The following SLC26A4 variants were observed in gnomAD, a reference collection of about 807,000 sequenced individuals.
SLC26A4 encodes the protein solute carrier family 26 member 4.
A neutral mutation model predicts 90.4 loss-of-function variants in SLC26A4; 93 were observed. The observed-to-expected ratio is 1.03, with a 90% confidence interval of 0.87 to 1.22. The LOEUF is 1.22. SLC26A4 is among the 50% of genes most tolerant of loss of function. SLC26A4 has a pLI of 0.00. For synonymous variants in SLC26A4, 393 were observed against 354.6 expected (o/e 1.11, Z -1.22); for missense variants, 1,127 against 946.2 (o/e 1.19, Z -2.51).
At chr7:107,709,787 T>A (rs1394046689) in intron 18 of SLC26A4, among the ~76,000 whole-genome samples, 1 of 152,150 alleles carries the variant, frequency 6.6e-6, no homozygotes, top group East Asian at 1.9e-4. Flanking sequence ...GAAAAATAAA[T>A]AAATAAAAGG....
At chr7:107,671,145 G>T (rs748329629) in intron 3 of SLC26A4, among the ~76,000 whole-genome samples, 1 of 152,120 alleles carries the variant, frequency 6.6e-6, no homozygotes, top group African/African-American at 2.4e-5. Flanking sequence ...TGAGCCTTTG[G>T]AGTGAATTGA....
chr7:107,700,038 G>T, intron 14 of SLC26A4, 45 bp from the exon 15 acceptor site: 1 of 1,111,638 alleles, frequency 9.0e-7, no homozygotes, highest in East Asian at 2.3e-5. Flanking sequence ...TTAAATACTT[G>T]AGGCTTGAAA....
chr7:107,663,572 A>AG, intron 3 of SLC26A4, 137 bp downstream of exon 3: 2 of 941,118 alleles, frequency 2.1e-6, no homozygotes, highest in Non-Finnish European at 1.7e-6. Flanking sequence ...TAGTGGAGAG[A>AG]GTCACCTCTC....
At chr7:107,671,729 G>T (rs1461504187) in intron 3 of SLC26A4, among the ~76,000 whole-genome samples, 1 of 152,186 alleles carries the variant, frequency 6.6e-6, no homozygotes, top group Non-Finnish European at 1.5e-5. Context: ...TAGAAAGACA[G>T]ATGCTCCTCT....
intron 15 of SLC26A4, 79 bp from the exon 16 acceptor site, chr7:107,701,022 T>C (rs1445811114): frequency 6.9e-6 from 6 of 872,994 alleles, no homozygotes; most frequent in Admixed American, 3.5e-5. Context: ...CTTTGAGAAA[T>C]AGCCTTTCCA....
chr7:107,672,856 C>T (rs1790912561), intron 4 of SLC26A4, among the ~76,000 whole-genome samples: 1 of 152,116 alleles, frequency 6.6e-6, no homozygotes, highest in South Asian at 2.1e-4. Flanking sequence ...GTTAGAATGT[C>T]CTAGTAAATG....
intron 13 of SLC26A4, 65 bp downstream of exon 13, chr7:107,696,104 T>C (rs1791736032): frequency 4.3e-6 from 4 of 929,464 alleles, no homozygotes; most frequent in South Asian, 2.6e-5. Context: ...CCTTATACCA[T>C]TTTGATAAAT....
At chr7:107,662,214 A>C (rs549127445) in intron 2 of SLC26A4, 46 of 200,592 alleles carry the variant, frequency 2.3e-4, no homozygotes, top group African/African-American at 9.9e-4. Context: ...CAAGCTAAGT[A>C]GGCGGGCTAC....
At chr7:107,690,677 G>T (rs1791542640) in intron 10 of SLC26A4, among the ~76,000 whole-genome samples, 1 of 152,138 alleles carries the variant, frequency 6.6e-6, no homozygotes, top group East Asian at 1.9e-4. Flanking sequence ...TCCTCCAGGG[G>T]CGTTTGGTCC....
chr7:107,680,230 A>T (rs13310984), intron 6 of SLC26A4, among the ~76,000 whole-genome samples: 4 of 124,138 alleles, frequency 3.2e-5, no homozygotes, highest in East Asian at 2.3e-4. Flanking sequence ...TATAATCTTA[A>T]CTTATTATAT....
In SLC26A4 at chr7:107,691,108, TACAC is replaced by T. The variant is rs113420862; in HGVS notation, c.1263+903_1263+906del. Among the ~76,000 whole-genome samples the T allele has an allele frequency of 7.2e-3, 1,013 of 141,504 alleles. 5 individuals carry two copies. Among genetic ancestry groups the T allele is most frequent in the African/African-American group, 0.018 (687 of 38,042 alleles). 92.8% of individuals were successfully genotyped at this position (141,504 alleles called of 152,430 possible). A position where few individuals can be genotyped will look rare whatever the true frequency, so the allele number is the denominator to read the frequency against. ...AACAAACCCAAACTACATAGTGCAA[TACAC>T]ACACACACACACACACACACACACA... On this transcript the variant is annotated intron_variant, in intron 10 of 20. Transcript: ENST00000644269.
At chr7:107,679,642 G>T (rs1791123006) in intron 6 of SLC26A4, among the ~76,000 whole-genome samples, 1 of 150,892 alleles carries the variant, frequency 6.6e-6, no homozygotes, top group African/African-American at 2.4e-5. Context: ...TTACCAAAAA[G>T]TTCATTATCA....
intron 3 of SLC26A4, among the ~76,000 whole-genome samples, chr7:107,669,821 T>C (rs1790816514): frequency 6.6e-6 from 1 of 152,176 alleles, no homozygotes; most frequent in Non-Finnish European, 1.5e-5. Context: ...GATAACCCAT[T>C]GATATTTCAG....
chr7:107,674,785 A>G (rs1793933791), intron 5 of SLC26A4, among the ~76,000 whole-genome samples, 160 bp from the exon 6 acceptor site: 2 of 152,174 alleles, frequency 1.3e-5, no homozygotes, highest in Admixed American at 1.3e-4. Flanking sequence ...AAGGGGAGTG[A>G]TAGGGTATTA....
chr7:107,698,350 A>G (rs1791799205), intron 14 of SLC26A4, among the ~76,000 whole-genome samples: 2 of 149,412 alleles, frequency 1.3e-5, no homozygotes, highest in South Asian at 2.1e-4. Flanking sequence ...ATGGAGTCTC[A>G]CTCTTCACCC....
At chr7:107,664,325 G>A (rs913913848) in intron 3 of SLC26A4, among the ~76,000 whole-genome samples, 8 of 152,160 alleles carry the variant, frequency 5.3e-5, no homozygotes, top group African/African-American at 1.4e-4. Context: ...TCTGCCTCTC[G>A]GGTTCAAGTG....
intron 18 of SLC26A4, among the ~76,000 whole-genome samples, chr7:107,708,538 G>T (rs576752959): frequency 6.1e-4 from 92 of 152,052 alleles, no homozygotes; most frequent in Non-Finnish European, 1.0e-3. Flanking sequence ...ACCTCTGATT[G>T]CCAAGCTAGA....
intron 6 of SLC26A4, among the ~76,000 whole-genome samples, chr7:107,678,678 A>G (rs1791089491): frequency 6.6e-6 from 1 of 152,034 alleles, no homozygotes; most frequent in African/African-American, 2.4e-5. Flanking sequence ...CAGGCCACCC[A>G]AGTTGGAAAA....
chr7:107,669,068 G>T (rs892411387), intron 3 of SLC26A4, among the ~76,000 whole-genome samples: 4 of 151,750 alleles, frequency 2.6e-5, no homozygotes, highest in African/African-American at 9.7e-5. Context: ...AACTATCCTT[G>T]TGCCTCAGCC....
Sources: gnomAD v4.1 joint callset for allele counts (sites outside exome capture counted in the v4.1 genomes callset) on GRCh38, gnomAD v4.1.1 for gene constraint, MANE v1.5 for transcripts, NCBI Gene and HGNC (gene_info 2026-07-23, HGNC 2026-07-21) for gene names.